Variants in TPRG1 observed in about 807,000 individuals in gnomAD.
TPRG1 encodes the protein tumor protein p63-regulated gene 1 protein.
In TPRG1, 29 loss-of-function variants were observed where a neutral mutation model predicts 29.3. That is an observed-to-expected ratio of 0.99 (90% CI 0.74 to 1.35). TPRG1 has a LOEUF of 1.35. Among genes scored for constraint, TPRG1 ranks in the 40% most tolerant of loss-of-function variants. The pLI is 0.00. For synonymous variants in TPRG1, 130 were observed against 116.8 expected, an observed-to-expected ratio of 1.11 and a Z score of -0.73; for missense variants, 327 against 335.0, an observed-to-expected ratio of 0.98 and a Z score of 0.19.
chr3:189,127,044 C>T (rs1349781405), intron 1 of TPRG1: 1 of 152,176 alleles, frequency 6.6e-6, no homozygotes, highest in African/African-American at 2.4e-5. Context: ...TCTGCATCTT[C>T]CCTTTGAGAC....
rs531988882 is a variant in TPRG1 at position 189,273,206 on chromosome 3, A to G, written c.479+34297A>G. Among the ~76,000 whole-genome samples, 284 of 152,124 alleles carry G rather than the reference A, an allele frequency of 1.9e-3. 1 individual carries two copies. Among genetic ancestry groups the G allele is most frequent in the Non-Finnish European group, 3.0e-3 (204 of 67,972 alleles). On this transcript the variant is annotated intron_variant, in intron 4 of 5. Transcript: ENST00000345063. ...GAATCTATTTATTAATTCAACTACTATTTACTTCCTATTACTTGTCAAACA... is the reference window on the plus strand; with the variant it reads ...GAATCTATTTATTAATTCAACTACTGTTTACTTCCTATTACTTGTCAAACA...
intron 3 of TPRG1, among the ~76,000 whole-genome samples, chr3:189,221,276 C>A (rs902847327): frequency 3.3e-5 from 5 of 152,138 alleles, no homozygotes; most frequent in Admixed American, 6.5e-5. Flanking sequence ...GGAAACATTA[C>A]CTTCAGTTTA....
intron 1 of TPRG1, among the ~76,000 whole-genome samples, chr3:189,108,123 A>G (rs191931234): frequency 2.0e-5 from 3 of 152,236 alleles, no homozygotes; most frequent in East Asian, 1.9e-4. Context: ...CCAATTATGT[A>G]TGGTTCCTTT....
At chr3:189,152,147 G>T (rs1404123179) in intron 5 of TPRG1, among the ~76,000 whole-genome samples, 1 of 151,952 alleles carries the variant, frequency 6.6e-6, no homozygotes, top group Non-Finnish European at 1.5e-5. Flanking sequence ...TATTTTGTCA[G>T]TTTCTGCTTC....
At chr3:189,279,443 A>G (rs80041809) in intron 4 of TPRG1, among the ~76,000 whole-genome samples, 4,804 of 152,226 alleles carry the variant, frequency 0.032, 251 homozygotes, top group African/African-American at 0.11. Flanking sequence ...GCTTAGGATT[A>G]TTGTCTTTGG....
intron 4 of TPRG1, among the ~76,000 whole-genome samples, chr3:189,069,974 G>A (rs1317665935): frequency 6.6e-6 from 1 of 152,032 alleles, no homozygotes; most frequent in African/African-American, 2.4e-5. Context: ...CCAGCTACTC[G>A]GGAGGCTGAG....
At chr3:189,204,947 T>TCACCCACACA (rs1734087186) in intron 1 of TPRG1, among the ~76,000 whole-genome samples, 2 of 147,068 alleles carry the variant, frequency 1.4e-5, no homozygotes, top group Non-Finnish European at 3.0e-5. Flanking sequence ...TCTCTCTCTC[T>TCACCCACACA]CACACACACA....
upstream of TPRG1, among the ~76,000 whole-genome samples, chr3:189,171,459 G>GC (rs1278740859): frequency 6.6e-6 from 1 of 152,146 alleles, no homozygotes; most frequent in Non-Finnish European, 1.5e-5. Flanking sequence ...CCCTCAAGGG[G>GC]CCCCCCATCT....
At position 189,320,714 on chromosome 3, in the gene TPRG1, T is replaced by G; in HGVS notation, c.722T>G (p.Val241Gly). ...TGSGRGKKLM[V>G]LTEPILIETY... is the part of the protein sequence containing the mutation. ...TCTGGAAGAGGAAAGAAACTGATGG[T>G]GTTAACTGAACCCATTTTGATTGAG... Residue 241 changes from valine to glycine, a missense_variant, in exon 6 of 6, where the codon GTG becomes GGG. Val to Gly is a moderately radical substitution (Grantham distance 109). Transcript: ENST00000345063. 6.2e-7 allele frequency: 1 copy of G among 1,613,022 alleles called. No homozygotes were observed. Among genetic ancestry groups the G allele is most frequent in the Non-Finnish European group, 8.5e-7 (1 of 1,179,428 alleles).
chr3:189,257,005 T>C (rs1712023422), intron 4 of TPRG1, among the ~76,000 whole-genome samples: 1 of 152,230 alleles, frequency 6.6e-6, no homozygotes, highest in Non-Finnish European at 1.5e-5. Flanking sequence ...ACTTTTTACA[T>C]TTAAGGTTAA....
chr3:189,228,148 GACA>G (rs1167585924), intron 3 of TPRG1, among the ~76,000 whole-genome samples: 8 of 152,034 alleles, frequency 5.3e-5, no homozygotes, highest in African/African-American at 1.9e-4. Context: ...CAACAACGAC[GACA>G]ACAACAATTC....
At chr3:189,077,018 GA>G (rs1216965738) in intron 4 of TPRG1, among the ~76,000 whole-genome samples, 2 of 151,582 alleles carry the variant, frequency 1.3e-5, no homozygotes, top group Non-Finnish European at 2.9e-5. Context: ...CTAAAATCAA[GA>G]AGACAGACAA....
At chr3:189,130,555 C>T (rs1722992774) in intron 2 of TPRG1, among the ~76,000 whole-genome samples, 1 of 152,200 alleles carries the variant, frequency 6.6e-6, no homozygotes, top group African/African-American at 2.4e-5. Flanking sequence ...AACTGAACAA[C>T]AGCATGAAAG....
At chr3:189,266,850 C>T (rs1440089025) in intron 4 of TPRG1, among the ~76,000 whole-genome samples, 1 of 151,842 alleles carries the variant, frequency 6.6e-6, no homozygotes, top group East Asian at 1.9e-4. Context: ...TCAGCTATTT[C>T]ATATAGTTAC....
intron 4 of TPRG1, among the ~76,000 whole-genome samples, chr3:189,149,012 T>C (rs1725603116): frequency 6.6e-6 from 1 of 152,238 alleles, no homozygotes; most frequent in South Asian, 2.1e-4. Context: ...ATCTCTGCTC[T>C]GGTGTTAGCA....
At chr3:189,015,351 G>A (rs1008447154) in intron 3 of TPRG1, among the ~76,000 whole-genome samples, 5 of 152,032 alleles carry the variant, frequency 3.3e-5, no homozygotes, top group African/African-American at 1.2e-4. Context: ...ACAAAGAGAT[G>A]GTCTGAAATT....
At chr3:189,106,930 G>A (rs1344630012) in intron 1 of TPRG1, among the ~76,000 whole-genome samples, 2 of 151,986 alleles carry the variant, frequency 1.3e-5, no homozygotes, top group African/African-American at 2.4e-5. Context: ...TTAGACTAGT[G>A]TTCTCTCCTT....
chr3:189,120,804 G>A (rs74504114), intron 1 of TPRG1, among the ~76,000 whole-genome samples: 2,577 of 152,308 alleles, frequency 0.017, 47 homozygotes, highest in Non-Finnish European at 0.028. Flanking sequence ...CTCGATATAG[G>A]TCAATAAATT....
chr3:189,159,712 G>T (rs1357800641), intron 5 of TPRG1, among the ~76,000 whole-genome samples: 1 of 152,124 alleles, frequency 6.6e-6, no homozygotes, highest in Non-Finnish European at 1.5e-5. Context: ...TTAGTATTAG[G>T]AGTGCAGTGT....
Sources: allele counts gnomAD v4.1 joint callset (sites outside exome capture counted in the v4.1 genomes callset), GRCh38; gene constraint gnomAD v4.1.1; transcripts MANE v1.5; gene names NCBI Gene and HGNC (gene_info 2026-07-23, HGNC 2026-07-21).